FBXW4: variants seen among roughly 807,000 people sequenced by gnomAD.
FBXW4 encodes F-box and WD repeat domain containing 4.
Under a neutral mutation model 61.8 loss-of-function variants are expected in FBXW4, and 40 were observed. The observed-to-expected ratio is 0.65, with a 90% CI of 0.50 to 0.84. The LOEUF (loss-of-function observed/expected upper bound fraction) is 0.84. Among genes scored for constraint, FBXW4 ranks in the 40% least tolerant of loss-of-function variants. FBXW4 has a pLI of 0.00. For synonymous variants in FBXW4, 311 were observed against 313.8 expected (o/e 0.99, Z 0.10); for missense variants, 672 against 753.8 (o/e 0.89, Z 1.27).
intron 5 of FBXW4, among the ~76,000 whole-genome samples, chr10:101,651,893 C>A (rs183342025): frequency 6.6e-6 from 1 of 152,170 alleles, no homozygotes; most frequent in East Asian, 1.9e-4. Flanking sequence ...GAAAGGGGGC[C>A]GCGGCCCTCT....
chr10:101,611,781 G>A lies in FBXW4; in HGVS notation c.1443-12C>T. On this transcript the variant is annotated splice_polypyrimidine_tract_variant and intron_variant, in intron 7 of 8. Transcript: ENST00000331272. The surrounding 1 kb of genome is among the most constrained non-coding windows in gnomAD (Gnocchi z 4.9). Reference sequence around the variant, plus strand: ...CCATGACACATTTCCTGTCCAGGAAGAGGAGAAGCAGAGGGAGGTTTAGGG... The same window carrying A: ...CCATGACACATTTCCTGTCCAGGAAAAGGAGAAGCAGAGGGAGGTTTAGGG... 3.1e-6 allele frequency: 5 copies of A among 1,609,998 alleles called. No individual in the cohort carries two copies. Among genetic ancestry groups the A allele is most frequent in the Non-Finnish European group, 3.4e-6 (4 of 1,176,926 alleles).
chr10:101,675,517 A>G (rs1018554543), intron 2 of FBXW4, among the ~76,000 whole-genome samples: 3 of 152,164 alleles, frequency 2.0e-5, no homozygotes, highest in Admixed American at 1.3e-4. Flanking sequence ...TTTCTTTACC[A>G]TCATCACCAC....
chr10:101,641,399 A>G (rs1285757529), intron 5 of FBXW4, among the ~76,000 whole-genome samples: 1 of 152,196 alleles, frequency 6.6e-6, no homozygotes, highest in Non-Finnish European at 1.5e-5. Context: ...AAACCAATTG[A>G]CTGTGATCTT....
chr10:101,642,386 AT>A (rs11287325), intron 5 of FBXW4, among the ~76,000 whole-genome samples: 106,830 of 147,092 alleles, frequency 0.73, 39,014 homozygotes, highest in East Asian at 0.96. Flanking sequence ...CCCTATCTCT[AT>A]TTTTTTTTTT....
intron 1 of FBXW4, among the ~76,000 whole-genome samples, chr10:101,689,449 T>C (rs2064568466): frequency 6.6e-6 from 1 of 152,228 alleles, no homozygotes; most frequent in South Asian, 2.1e-4. Context: ...ACCTGTAAAC[T>C]AAACTCTATT....
Position 101,676,402 on chromosome 10 carries a change from C to T in FBXW4, c.760G>A (p.Val254Met). The change falls in exon 2 of 9, where the codon GTG (valine) becomes ATG (methionine). Residue 254 changes from valine (V) to methionine (M), a missense_variant. By Grantham distance (21) the Val-to-Met change is conservative. Around this residue, in one of 5 missense-constraint regions of FBXW4, gnomAD observed 311 missense variants for 301.1 expected, o/e 1.03. Coordinates refer to ENST00000331272, the MANE Select transcript of FBXW4 (RefSeq NM_022039.4). ...CGCCCCAGTCTCCAGTTCTGAGACACCTTCACTCGTTCCTTCACTGGGACA... is the reference window on the plus strand; with the variant it reads ...CGCCCCAGTCTCCAGTTCTGAGACATCTTCACTCGTTCCTTCACTGGGACA... ...TSVPVKERVKVSQNWRLGRCR... is the reference protein window; with the variant it reads ...TSVPVKERVKMSQNWRLGRCR... 1 of 1,613,722 alleles carries T rather than the reference C, an allele frequency of 6.2e-7. No individual in the cohort carries two copies. Among genetic ancestry groups the T allele is most frequent in the South Asian group, 1.1e-5 (1 of 91,008 alleles).
At chr10:101,668,127 G>C (rs1024975316) in intron 4 of FBXW4, 147 bp from the exon 5 acceptor site, 3 of 624,604 alleles carry the variant, frequency 4.8e-6, no homozygotes, top group Non-Finnish European at 5.8e-6. Flanking sequence ...CAGCAGAGGG[G>C]CCCCTGCAGC....
intron 5 of FBXW4, among the ~76,000 whole-genome samples, chr10:101,645,303 C>T (rs907884039): frequency 6.6e-6 from 1 of 152,214 alleles, no homozygotes; most frequent in Non-Finnish European, 1.5e-5. Context: ...CTGCCTGAGA[C>T]AAGCAGGCCT....
chr10:101,623,913 A>G (rs368343324), intron 6 of FBXW4, among the ~76,000 whole-genome samples: 3 of 152,362 alleles, frequency 2.0e-5, no homozygotes, highest in South Asian at 4.1e-4. Context: ...AGAAGTTGCC[A>G]GGAATCAGGG....
intron 1 of FBXW4, among the ~76,000 whole-genome samples, chr10:101,689,030 A>T (rs564422272): frequency 6.6e-6 from 1 of 152,164 alleles, no homozygotes; most frequent in Non-Finnish European, 1.5e-5. Context: ...CACATTCAAA[A>T]ATAATTTTTT....
intron 6 of FBXW4, among the ~76,000 whole-genome samples, chr10:101,620,666 C>T (rs920851557): frequency 6.6e-6 from 1 of 152,094 alleles, no homozygotes; most frequent in Non-Finnish European, 1.5e-5. Context: ...TGATAAGAAA[C>T]AAGGTCTCAC....
At chr10:101,633,690 C>A (rs748023579) in intron 5 of FBXW4, among the ~76,000 whole-genome samples, 10 of 151,528 alleles carry the variant, frequency 6.6e-5, no homozygotes, top group Admixed American at 1.3e-4. Context: ...CAGCAATAAC[C>A]AAGTGTTATT....
In FBXW4 at chr10:101,667,990, G is replaced by A. The variant is rs1283943903; in HGVS notation, c.1141-10C>T. ...AGGCCAAAGGCCACACCTAGAAACA[G>A]GAGAGGAGATGCTCTCGTTGGCATT... On this transcript the variant is annotated splice_polypyrimidine_tract_variant and intron_variant, in intron 4 of 8. Transcript: ENST00000331272. The A allele has an allele frequency of 1.2e-6, 2 of 1,610,362 alleles. No homozygotes were observed. The highest frequency in any genetic ancestry group is 2.2e-5 in the South Asian group (2 of 91,042).
chr10:101,624,770 G>C lies in FBXW4; in HGVS notation c.1276C>G (p.Pro426Ala), dbSNP rs758149976. Residue 426 changes from proline to alanine, a missense_variant, in exon 6 of 9, where the codon CCC becomes GCC. Physicochemically the swap from Pro to Ala is conservative, Grantham distance 27. This residue lies in a region of FBXW4 where 312 missense variants were observed against 370.1 expected (regional missense o/e 0.84). Transcript: ENST00000331272. ...TGTACCGHFS[P>A]LRIWDLNSGQ... The stretch of plus-strand genomic sequence containing the variant: ...CTGTTGAGGTCCCAGATTCTCAGGG[G>C]TGAGAAGTGCCCGCAACAAGCCGTC... The C allele has an allele frequency of 2.5e-6, 4 of 1,614,100 alleles. No homozygotes were observed. Among genetic ancestry groups the C allele is most frequent in the East Asian group, 4.5e-5 (2 of 44,900 alleles).
chr10:101,635,103 C>T (rs2063990015), intron 5 of FBXW4, among the ~76,000 whole-genome samples: 1 of 149,374 alleles, frequency 6.7e-6, no homozygotes, highest in South Asian at 2.1e-4. Context: ...GCATTACCAC[C>T]TTGAGTTCCA....
intron 7 of FBXW4, 134 bp downstream of exon 7, chr10:101,612,203 C>G: frequency 9.2e-7 from 1 of 1,088,704 alleles, no homozygotes; most frequent in Non-Finnish European, 1.2e-6. Flanking sequence ...GTCTAGTGAC[C>G]TTGCAGGCCT....
At chr10:101,677,636 A>G (rs2064427780) in intron 1 of FBXW4, among the ~76,000 whole-genome samples, 1 of 152,146 alleles carries the variant, frequency 6.6e-6, no homozygotes, top group South Asian at 2.1e-4. Context: ...AATGGACCAA[A>G]TGTGCAGGAT....
chr10:101,692,761 A>AG (rs2064623264), intron 1 of FBXW4, among the ~76,000 whole-genome samples: 1 of 151,810 alleles, frequency 6.6e-6, no homozygotes, highest in Non-Finnish European at 1.5e-5. Context: ...AAAAAAAAAA[A>AG]AAAAAAATCA....
At chr10:101,648,299 T>C (rs1331314736) in intron 5 of FBXW4, among the ~76,000 whole-genome samples, 2 of 152,216 alleles carry the variant, frequency 1.3e-5, no homozygotes, top group African/African-American at 4.8e-5. Context: ...ACAACAAGCA[T>C]TGATTTGAGA....
Sources: allele counts gnomAD v4.1 joint callset (sites outside exome capture counted in the v4.1 genomes callset), GRCh38; gene constraint gnomAD v4.1.1; regional missense constraint gnomAD v4.1.1; non-coding constraint Gnocchi (gnomAD v3.1); transcripts MANE v1.5; gene names NCBI Gene and HGNC (gene_info 2026-07-23, HGNC 2026-07-21).